Variants in EIF4G2 observed in about 807,000 individuals in gnomAD.
EIF4G2 encodes the protein eukaryotic translation initiation factor 4 gamma 2.
A neutral mutation model predicts 117.7 loss-of-function variants in EIF4G2; 8 were observed. The observed-to-expected ratio is 0.07, with a 90% CI of 0.04 to 0.12. EIF4G2 has a LOEUF of 0.12. Among genes scored for constraint, EIF4G2 ranks in the 10% least tolerant of loss-of-function variants. The pLI, the probability that EIF4G2 is intolerant of heterozygous loss-of-function variation, is 1.00. For missense variants in EIF4G2, 812 were observed against 1,086.2 expected (o/e 0.75, Z 3.55); for synonymous variants, 413 against 367.8 (o/e 1.12, Z -1.41).
intron 21 of EIF4G2, chr11:10,798,639 C>CTT (rs1337814906): frequency 4.7e-5 from 8 of 170,460 alleles, no homozygotes; most frequent in South Asian, 2.7e-4. Context: ...CCACCTCAGC[C>CTT]TCTTAAAGTG....
In EIF4G2 at chr11:10,803,853, C is replaced by T; in HGVS notation, c.702+46G>A. The T allele has an allele frequency of 6.3e-7, 1 of 1,578,242 alleles. No homozygotes were observed. ...CTTAGATGAATAATTGACTCATTTC[C>T]TCCAAACGACTGACTACATTCGCCT... On this transcript the variant is annotated intron_variant, in intron 8 of 21. Coordinates refer to ENST00000339995, the MANE Select transcript of EIF4G2 (RefSeq NM_001418.4). The surrounding 1 kb of genome is among the most constrained non-coding windows in gnomAD (Gnocchi z 4.0).
chr11:10,807,518 A>G, intron 1 of EIF4G2, 137 bp from the exon 2 acceptor site: 1 of 1,311,632 alleles, frequency 7.6e-7, no homozygotes, highest in Non-Finnish European at 9.7e-7. Context: ...AATGTACTCA[A>G]AACACTGACA....
chr11:10,808,019 G>C, intron 1 of EIF4G2: 2 of 1,033,556 alleles, frequency 1.9e-6, no homozygotes, highest in Non-Finnish European at 2.3e-6. Context: ...CTCCCCGCGA[G>C]GCCCGGGTCG....
At chr11:10,806,690 G>A in intron 3 of EIF4G2, 130 bp downstream of exon 3, 1 of 944,112 alleles carries the variant, frequency 1.1e-6, no homozygotes, top group Admixed American at 2.2e-5. Flanking sequence ...CTGTATTTAG[G>A]ATACCCAACA....
chr11:10,806,861 A>G lies in EIF4G2; in HGVS notation c.66T>C (p.Ser22=). Residue 22 remains serine, a synonymous_variant, in exon 3 of 22, where the codon AGT becomes AGC. Transcript: ENST00000339995. ...TGGGATAGTGCTGAGGTGCACCCCT[A>G]CTTCCTCCTCCGCCCGAAGAAGCAC... 6.2e-7 allele frequency: 1 copy of G among 1,614,142 alleles called. No homozygotes were observed. Among genetic ancestry groups the G allele is most frequent in the Non-Finnish European group, 8.5e-7 (1 of 1,180,022 alleles).
In EIF4G2 at chr11:10,802,193, A is replaced by G. The variant is rs1176284047; in HGVS notation, c.1155T>C (p.Thr385=). The change falls in exon 13 of 22, where the codon ACT becomes ACC. Residue 385 remains threonine, a synonymous_variant. Coordinates refer to ENST00000339995, the MANE Select transcript of EIF4G2 (RefSeq NM_001418.4). The stretch of plus-strand genomic sequence containing the variant: ...ATCTATCCTGGATAACTCCTGGACC[A>G]GTACCAATTCCGCTACCTTAAAATA... The G allele has an allele frequency of 1.9e-6, 3 of 1,614,062 alleles. No homozygotes were observed. Among genetic ancestry groups the G allele is most frequent in the Non-Finnish European group, 2.5e-6 (3 of 1,179,972 alleles).
At chr11:10,800,669 TTAA>T in intron 16 of EIF4G2, 22 bp from the exon 17 acceptor site, 1 of 1,614,006 alleles carries the variant, frequency 6.2e-7, no homozygotes, top group Non-Finnish European at 8.5e-7. Flanking sequence ...ACAAGTATCT[TTAA>T]TGTATTCTCT....
In EIF4G2 at chr11:10,804,222, T is replaced by C. The variant is rs999316660; in HGVS notation, c.484-19A>G. Reference sequence around the variant, plus strand: ...TGAATGTCTGGAAAAGAAGACATTGTCATGCTTTATTAAGGAAATTTTTCA... The same window carrying C: ...TGAATGTCTGGAAAAGAAGACATTGCCATGCTTTATTAAGGAAATTTTTCA... On this transcript the variant is annotated intron_variant, in intron 6 of 21. Transcript: ENST00000339995. 1.2e-6 allele frequency: 2 copies of C among 1,613,570 alleles called. No individual in the cohort carries two copies. The highest frequency in any genetic ancestry group is 1.7e-6 in the Non-Finnish European group (2 of 1,179,742).
Position 10,807,350 on chromosome 11 carries a change from G to T in EIF4G2, c.-55C>A. 1 of 1,608,352 alleles carries T rather than the reference G, an allele frequency of 6.2e-7. No individual in the cohort carries two copies. Among genetic ancestry groups the T allele is most frequent in the Non-Finnish European group, 8.5e-7 (1 of 1,177,702 alleles). On this transcript the variant is annotated 5_prime_UTR_variant, in exon 2 of 22. Transcript: ENST00000339995. Reference sequence around the variant, plus strand: ...AAAGAATAATATTAATAGATGGGGTGGGGAGGGGAGGGGACAGGAGAAATG... The same window carrying T: ...AAAGAATAATATTAATAGATGGGGTTGGGAGGGGAGGGGACAGGAGAAATG...
chr11:10,804,445 A>G, intron 5 of EIF4G2, 27 bp from the exon 6 acceptor site: 1 of 1,552,324 alleles, frequency 6.4e-7, no homozygotes, highest in Non-Finnish European at 8.7e-7. Context: ...TGCTTAAACT[A>G]AATATGAAAA....
At chr11:10,798,909 T>C (rs1332724587) in intron 21 of EIF4G2, 83 bp downstream of exon 21, 1 of 1,511,236 alleles carries the variant, frequency 6.6e-7, no homozygotes, top group Non-Finnish European at 8.9e-7. Context: ...CTTGCCTGTA[T>C]TTCAGTTGAA....
intron 12 of EIF4G2, 37 bp from the exon 13 acceptor site, chr11:10,802,246 G>C (rs750813382): frequency 6.2e-7 from 1 of 1,611,596 alleles, no homozygotes; most frequent in African/African-American, 1.3e-5. Flanking sequence ...CAAAACTAAA[G>C]TTAACTGATT....
intron 21 of EIF4G2, among the ~76,000 whole-genome samples, chr11:10,798,111 A>C (rs1847309912): frequency 1.3e-5 from 2 of 152,214 alleles, no homozygotes; most frequent in Admixed American, 1.3e-4. Flanking sequence ...ATCATCAGCA[A>C]TAAAAAGGTA....
At position 10,800,556 on chromosome 11, in the gene EIF4G2, G is replaced by A. The variant is rs147817871; in HGVS notation, c.1736C>T (p.Pro579Leu). ...GATGATTACTTTGCTTAACATCTCA[G>A]GAAGAAAGTGTTTAGGAGCCCTCAT... is the stretch of plus-strand genomic sequence containing the variant. Residue 579 changes from proline (P) to leucine (L), a missense_variant, in exon 17 of 22, where the codon CCT (proline) becomes CTT (leucine). Transcript: ENST00000339995. 4 of 1,614,122 alleles carry A rather than the reference G, an allele frequency of 2.5e-6. No individual in the cohort carries two copies. Among genetic ancestry groups the A allele is most frequent in the Non-Finnish European group, 3.4e-6 (4 of 1,180,026 alleles).
intron 14 of EIF4G2, chr11:10,801,398 ACCC>A: frequency 1.6e-6 from 1 of 637,064 alleles, no homozygotes; most frequent in South Asian, 1.8e-5. Context: ...TAGTTAAATC[ACCC>A]TTACAAAGAA....
At position 10,804,368 on chromosome 11, in the gene EIF4G2, C is replaced by A. The variant is rs759194869; in HGVS notation, c.402G>T (p.Gln134His). ...CATCTTCTGCCAATCGCAGACATAG[C>A]TGAGCATACAGTGAGCTATACTTTG... Residue 134 changes from glutamine (Q) to histidine (H), a missense_variant, in exon 6 of 22, where the codon CAG becomes CAT. Gln to His is a conservative substitution (Grantham distance 24). Around this residue, in one of 4 missense-constraint regions of EIF4G2, gnomAD observed 154 missense variants for 322.1 expected, o/e 0.48. Coordinates refer to ENST00000339995, the MANE Select transcript of EIF4G2 (RefSeq NM_001418.4). The A allele has an allele frequency of 6.2e-7, 1 of 1,614,114 alleles. No homozygotes were observed. The highest frequency in any genetic ancestry group is 8.5e-7 in the Non-Finnish European group (1 of 1,180,012).
chr11:10,805,139 T>C lies in EIF4G2; in HGVS notation c.249-124A>G, dbSNP rs1847528279. 13 of 742,478 alleles carry C rather than the reference T, an allele frequency of 1.8e-5. No homozygotes were observed. In the South Asian group the frequency reaches 2.0e-4, roughly 11 times the overall value. The allele number at this position is 742,478 out of a possible 1,614,324, so 46.0% of individuals were successfully genotyped here. On this transcript the variant is annotated intron_variant, in intron 4 of 21. Transcript: ENST00000339995. ...CCCTTTAAAAAATCAAGACATGTTT[T>C]CTTACTCATCTAAAACCAAAGGGAT... is the stretch of plus-strand genomic sequence containing the variant.
chr11:10,803,716 A>C lies in EIF4G2; in HGVS notation c.703-126T>G, dbSNP rs548409268. Reference sequence around the variant, plus strand: ...TACAGAATCTAGTATAGGGCTTTCTACCAGTCTGGTTGATCAGTTCTAACT... The same window carrying C: ...TACAGAATCTAGTATAGGGCTTTCTCCCAGTCTGGTTGATCAGTTCTAACT... On this transcript the variant is annotated intron_variant, in intron 8 of 21. Transcript: ENST00000339995. The surrounding 1 kb of genome is among the most constrained non-coding windows in gnomAD (Gnocchi z 4.0). The C allele has an allele frequency of 9.0e-7, 1 of 1,111,662 alleles. No homozygotes were observed. Among genetic ancestry groups the C allele is most frequent in the Admixed American group, 2.2e-5 (1 of 46,096 alleles). The allele number at this position is 1,111,662 out of a possible 1,614,324, so 68.9% of individuals were successfully genotyped here.
intron 11 of EIF4G2, 82 bp from the exon 12 acceptor site, chr11:10,802,517 A>G (rs947029343): frequency 9.8e-6 from 14 of 1,432,074 alleles, no homozygotes; most frequent in African/African-American, 1.5e-5. Flanking sequence ...CTAGGGGGGG[A>G]AACCTAGAAT....
Sources: gnomAD v4.1 joint callset for allele counts (sites outside exome capture counted in the v4.1 genomes callset) on GRCh38, gnomAD v4.1.1 for gene constraint, gnomAD v4.1.1 regional missense constraint, Gnocchi (gnomAD v3.1) non-coding constraint, MANE v1.5 for transcripts, NCBI Gene and HGNC (gene_info 2026-07-23, HGNC 2026-07-21) for gene names.